The following LARS2 variants were observed in gnomAD, a reference collection of about 807,000 sequenced individuals.
The protein encoded by LARS2 is leucyl-tRNA synthetase 2, mitochondrial.
Under a neutral mutation model 116.6 loss-of-function variants are expected in LARS2, and 81 were observed. That is an observed-to-expected ratio of 0.69 (90% CI 0.58 to 0.84). The LOEUF is 0.84. Ranked by LOEUF, LARS2 falls within the 40% of genes least tolerant of loss-of-function variation. The pLI, the probability that LARS2 is intolerant of heterozygous loss-of-function variation, is 0.00. For synonymous variants in LARS2, 396 were observed against 407.2 expected, an observed-to-expected ratio of 0.97 and a Z score of 0.33; for missense variants, 968 against 1,114.5, an observed-to-expected ratio of 0.87 and a Z score of 1.87.
intron 7 of LARS2, among the ~76,000 whole-genome samples, chr3:45,456,401 G>A (rs981268605): frequency 3.3e-5 from 5 of 152,170 alleles, no homozygotes; most frequent in Admixed American, 6.5e-5. Context: ...TGGCCAACAC[G>A]GTGAAACCCT....
chr3:45,393,760 G>T (rs577515462), intron 2 of LARS2, among the ~76,000 whole-genome samples: 7 of 152,176 alleles, frequency 4.6e-5, no homozygotes, highest in South Asian at 2.1e-4. Flanking sequence ...GGAGTCAGAG[G>T]TTACACTGAG....
At chr3:45,416,122 A>G (rs1234355302) in intron 4 of LARS2, among the ~76,000 whole-genome samples, 2 of 151,178 alleles carry the variant, frequency 1.3e-5, no homozygotes, top group Non-Finnish European at 2.9e-5. Context: ...GATGAACTTC[A>G]GTACTTCAGT....
intron 6 of LARS2, among the ~76,000 whole-genome samples, chr3:45,433,836 C>T (rs1404367484): frequency 1.3e-5 from 2 of 152,020 alleles, no homozygotes; most frequent in South Asian, 2.1e-4. Context: ...CTTGATTTCC[C>T]CTTCGTTTCT....
intron 10 of LARS2, among the ~76,000 whole-genome samples, chr3:45,478,260 C>G (rs903442968): frequency 6.6e-6 from 1 of 152,158 alleles, no homozygotes; most frequent in African/African-American, 2.4e-5. Flanking sequence ...CATAGTTTTA[C>G]TCTCATGAGC....
intron 4 of LARS2, among the ~76,000 whole-genome samples, chr3:45,405,983 T>C (rs2125679139): frequency 6.6e-6 from 1 of 152,280 alleles, no homozygotes; most frequent in Non-Finnish European, 1.5e-5. Flanking sequence ...ATTCCCACCA[T>C]GTGCCAGGAT....
intron 20 of LARS2, among the ~76,000 whole-genome samples, chr3:45,533,141 CTTTTTTTTTTT>C (rs3085466): frequency 1.8e-4 from 9 of 51,020 alleles, no homozygotes; most frequent in African/African-American, 6.4e-4. Context: ...CACATTAAGT[CTTTTTTTTTTT>C]TTTTTTTTTT....
rs186954561 is a variant in LARS2 at position 45,533,581 on chromosome 3, T to C, written c.2405-8248T>C. Among the ~76,000 whole-genome samples, 7 of 152,344 alleles carry C rather than the reference T, an allele frequency of 4.6e-5. No individual in the cohort carries two copies. In the East Asian group the frequency reaches 1.3e-3, roughly 29 times the overall value. Reference sequence around the variant, plus strand: ...ATTTCGCCCGTTCATCTTCCTTCTTTGGCCCACTTTATCTGTCTACCTCCT... The same window carrying C: ...ATTTCGCCCGTTCATCTTCCTTCTTCGGCCCACTTTATCTGTCTACCTCCT... On this transcript the variant is annotated intron_variant, in intron 20 of 21. Transcript: ENST00000645846.
intron 6 of LARS2, among the ~76,000 whole-genome samples, chr3:45,423,296 T>A (rs1357744846): frequency 6.6e-6 from 1 of 152,160 alleles, no homozygotes; most frequent in Non-Finnish European, 1.5e-5. Context: ...ATGTTAGTCC[T>A]AATTTACTGT....
At chr3:45,437,633 C>G (rs1289866820) in intron 6 of LARS2, among the ~76,000 whole-genome samples, 1 of 152,164 alleles carries the variant, frequency 6.6e-6, no homozygotes, top group Non-Finnish European at 1.5e-5. Flanking sequence ...CTGGCTGGGA[C>G]TATAGATGAC....
At position 45,529,129 on chromosome 3, in the gene LARS2, A is replaced by G. The variant is rs575275428; in HGVS notation, c.2404+5021A>G. 2.0e-5 allele frequency among the ~76,000 whole-genome samples: 3 copies of G among 152,232 alleles called. No individual in the cohort carries two copies. The East Asian group carries it at 5.8e-4, about 29-fold the overall frequency. ...GGGGATCTGCCTGCCTCGGCCTCCCAAAGTGCTGGGATTGCAGATGTGAGT... is the reference window on the plus strand; with the variant it reads ...GGGGATCTGCCTGCCTCGGCCTCCCGAAGTGCTGGGATTGCAGATGTGAGT... On this transcript the variant is annotated intron_variant, in intron 20 of 21. Coordinates refer to ENST00000645846, the MANE Select transcript of LARS2 (RefSeq NM_015340.4).
At chr3:45,478,204 A>G (rs562833666) in intron 10 of LARS2, among the ~76,000 whole-genome samples, 6 of 152,240 alleles carry the variant, frequency 3.9e-5, no homozygotes, top group Non-Finnish European at 8.8e-5. Context: ...CCTTGCTCAA[A>G]AGAAAAACTG....
chr3:45,547,548 C>T lies in LARS2; in HGVS notation c.*18C>T, dbSNP rs2125774544. ...AAGATTGACAGCCAGGAGGCTGCAG[C>T]TACCACGAGGGCCTCTGAGGAACCT... On this transcript the variant is annotated 3_prime_UTR_variant, in exon 22 of 22. Coordinates refer to ENST00000645846, the MANE Select transcript of LARS2 (RefSeq NM_015340.4). 6.3e-7 allele frequency: 1 copy of T among 1,587,816 alleles called. No individual in the cohort carries two copies. The highest frequency in any genetic ancestry group is 2.2e-5 in the East Asian group (1 of 44,490).
intron 15 of LARS2, among the ~76,000 whole-genome samples, chr3:45,511,945 T>G (rs1287202441): frequency 6.6e-6 from 1 of 151,642 alleles, no homozygotes; most frequent in Non-Finnish European, 1.5e-5. Context: ...CTGGCCAACT[T>G]TTTGTATTTT....
At chr3:45,389,875 C>G (rs942750970) in intron 1 of LARS2, among the ~76,000 whole-genome samples, 1 of 152,072 alleles carries the variant, frequency 6.6e-6, no homozygotes, top group Non-Finnish European at 1.5e-5. Flanking sequence ...TTGGAGTGGC[C>G]AAGAACAAGG....
At chr3:45,427,945 C>T (rs564443854) in intron 6 of LARS2, among the ~76,000 whole-genome samples, 2 of 152,002 alleles carry the variant, frequency 1.3e-5, no homozygotes, top group African/African-American at 4.8e-5. Context: ...CCTCAGCCTC[C>T]CAAGTAGCTG....
At chr3:45,448,562 G>A (rs1337542839) in intron 7 of LARS2, among the ~76,000 whole-genome samples, 3 of 152,178 alleles carry the variant, frequency 2.0e-5, no homozygotes, top group Non-Finnish European at 2.9e-5. Context: ...CTTCAGAGCT[G>A]AGAGCCCCGA....
chr3:45,526,859 G>C (rs1700537995), intron 20 of LARS2, among the ~76,000 whole-genome samples: 1 of 152,168 alleles, frequency 6.6e-6, no homozygotes, highest in Admixed American at 6.5e-5. Context: ...ATAGAATTCT[G>C]ATCAAAAAAC....
intron 13 of LARS2, among the ~76,000 whole-genome samples, chr3:45,494,329 T>A (rs114596912): frequency 6.6e-6 from 1 of 152,218 alleles, no homozygotes; most frequent in South Asian, 2.1e-4. Flanking sequence ...ACTTCACAAA[T>A]GGAAGACAGA....
intron 20 of LARS2, among the ~76,000 whole-genome samples, chr3:45,535,687 G>A (rs146317348): frequency 6.6e-6 from 1 of 151,776 alleles, no homozygotes; most frequent in East Asian, 1.9e-4. Context: ...AACTCTTCTG[G>A]CTCTTGGCTG....
Sources: allele counts gnomAD v4.1 joint callset (sites outside exome capture counted in the v4.1 genomes callset), GRCh38; gene constraint gnomAD v4.1.1; transcripts MANE v1.5; gene names NCBI Gene and HGNC (gene_info 2026-07-23, HGNC 2026-07-21).